XRCC6: variants seen among roughly 807,000 people sequenced by gnomAD.
XRCC6 encodes X-ray repair cross complementing 6, also known as DNA repair protein Ku70.
A neutral mutation model predicts 65.7 loss-of-function variants in XRCC6; 5 were observed. That is an observed-to-expected ratio of 0.08 (90% CI 0.04 to 0.16). The LOEUF is 0.16. Among genes scored for constraint, XRCC6 ranks in the 10% least tolerant of loss-of-function variants. XRCC6 has a pLI of 1.00. For missense variants in XRCC6, 447 were observed against 738.1 expected (o/e 0.61, Z 4.57); for synonymous variants, 270 against 270.6 (o/e 1.00, Z 0.02).
chr22:41,632,904 G>A (rs989221176), intron 3 of XRCC6, among the ~76,000 whole-genome samples: 22 of 151,730 alleles, frequency 1.4e-4, no homozygotes, highest in Admixed American at 3.9e-4. Context: ...CGAGGTGGGC[G>A]GATCACGAGG....
At chr22:41,622,935 ACT>A (rs1362388200) in intron 2 of XRCC6, among the ~76,000 whole-genome samples, 8 of 150,246 alleles carry the variant, frequency 5.3e-5, no homozygotes, top group East Asian at 3.9e-4. Flanking sequence ...ACAGAATGAG[ACT>A]CTCTCAGGAA....
intron 4 of XRCC6, 62 bp from the exon 5 acceptor site, chr22:41,636,454 T>A (rs1601536669): frequency 6.3e-7 from 1 of 1,586,492 alleles, no homozygotes. Context: ...AGTCTTGTGG[T>A]AAAGGCAGCC....
intron 9 of XRCC6, among the ~76,000 whole-genome samples, chr22:41,653,894 G>A (rs937777284): frequency 2.0e-5 from 3 of 152,138 alleles, no homozygotes; most frequent in African/African-American, 4.8e-5. Flanking sequence ...ATGCGCAGCC[G>A]TACAAGGCTG....
At position 41,663,907 on chromosome 22, in the gene XRCC6, G is replaced by A. The variant is rs2147123042; in HGVS notation, c.*92G>A. The A allele has an allele frequency of 7.2e-7, 1 of 1,385,062 alleles. No homozygotes were observed. The highest frequency in any genetic ancestry group is 2.4e-5 in the East Asian group (1 of 41,298). The allele number at this position is 1,385,062 out of a possible 1,614,324, so 85.8% of individuals were successfully genotyped here. On this transcript the variant is annotated 3_prime_UTR_variant, in exon 13 of 13. Coordinates refer to ENST00000360079, the MANE Select transcript of XRCC6 (RefSeq NM_001469.5). ...GTTAAAATGTGTTTCTCCTGAGCTA[G>A]GAAGAGTCTACCCGACATAAGTCGA...
chr22:41,627,559 C>T (rs572324158), intron 2 of XRCC6, among the ~76,000 whole-genome samples: 11 of 138,466 alleles, frequency 7.9e-5, no homozygotes, highest in East Asian at 6.5e-4. Flanking sequence ...CGTAGTAAGC[C>T]GAGATTGTGC....
intron 3 of XRCC6, among the ~76,000 whole-genome samples, chr22:41,632,412 A>C (rs2067765392): frequency 6.6e-6 from 1 of 151,234 alleles, no homozygotes; most frequent in Non-Finnish European, 1.5e-5. Flanking sequence ...GGAGTTCGAG[A>C]CCAGCCTGGC....
In XRCC6 at chr22:41,628,965, C is replaced by CAAA. The variant is rs11413169; in HGVS notation, c.195+757_195+759dup. Among the ~76,000 whole-genome samples the CAAA allele has an allele frequency of 6.0e-3, 376 of 62,312 alleles. 3 individuals are homozygous for CAAA. Among genetic ancestry groups the CAAA allele is most frequent in the Admixed American group, 7.3e-3 (25 of 3,448 alleles). 40.9% of individuals were successfully genotyped at this position (62,312 alleles called of 152,430 possible). The stretch of plus-strand genomic sequence containing the variant: ...TGGGCAACAGAGTGAGACTCTGTCT[C>CAAA]AAAAAAAAAAAAAAAAAAAAAAAAC... On this transcript the variant is annotated intron_variant, in intron 3 of 12. Transcript: ENST00000360079.
intron 8 of XRCC6, among the ~76,000 whole-genome samples, chr22:41,653,233 G>T (rs770248562): frequency 1.3e-5 from 2 of 151,910 alleles, no homozygotes; most frequent in African/African-American, 2.4e-5. Context: ...GAGATACTTT[G>T]TCTCTACAAA....
intron 11 of XRCC6, 130 bp from the exon 12 acceptor site, chr22:41,661,201 C>T (rs767183959): frequency 3.8e-5 from 27 of 716,150 alleles, no homozygotes; most frequent in Non-Finnish European, 5.7e-5. Flanking sequence ...GCTGGAAAGA[C>T]ATTTCCCTAG....
At position 41,661,410 on chromosome 22, in the gene XRCC6, C is replaced by T. The variant is rs768906010; in HGVS notation, c.1602C>T (p.Tyr534=). The T allele has an allele frequency of 1.3e-5, 21 of 1,614,000 alleles. No homozygotes were observed. The South Asian group carries it at 2.1e-4, about 16-fold the overall frequency. Reference sequence around the variant, plus strand: ...AGGAGCTTGTTTACCCACCAGATTACAATCCTGAAGGGAAAGTTACCAAGA... The same window carrying T: ...AGGAGCTTGTTTACCCACCAGATTATAATCCTGAAGGGAAAGTTACCAAGA... The part of the protein sequence containing the change: ...EFKELVYPPD[Y]NPEGKVTKRK... The change falls in exon 12 of 13, where the codon TAC becomes TAT. Residue 534 remains tyrosine (Y), a synonymous_variant. Transcript: ENST00000360079.
chr22:41,662,942 G>A (rs1355146620), intron 12 of XRCC6, among the ~76,000 whole-genome samples: 2 of 152,044 alleles, frequency 1.3e-5, no homozygotes, highest in Non-Finnish European at 2.9e-5. Flanking sequence ...TTAGCCAGAT[G>A]TGGTAGTGGG....
At position 41,651,361 on chromosome 22, in the gene XRCC6, ATTTTTTTTTTTTTTTTTTTTTTTTTTT is replaced by A. The variant is rs764795746; in HGVS notation, c.1129+490_1129+516del. On this transcript the variant is annotated intron_variant, in intron 8 of 12. Coordinates refer to ENST00000360079, the MANE Select transcript of XRCC6 (RefSeq NM_001469.5). ...TGTGGGAATGAAGAAAGTTAAACAG[ATTTTTTTTTTTTTTTTTTTTTTTTTTT>A]TTTTTTTTTTTTTTTTTTTGGAGAT... Among the ~76,000 whole-genome samples, 52 of 49,758 alleles carry A rather than the reference ATTTTTTTTTTTTTTTTTTTTTTTTTTT, an allele frequency of 1.0e-3. 1 individual carries two copies. Among genetic ancestry groups the A allele is most frequent in the South Asian group, 2.1e-3 (3 of 1,422 alleles). 32.6% of individuals were successfully genotyped at this position (49,758 alleles called of 152,430 possible).
At position 41,661,340 on chromosome 22, in the gene XRCC6, T is replaced by A; in HGVS notation, c.1532T>A (p.Val511Asp). Residue 511 changes from valine to aspartate, a missense_variant, in exon 12 of 13, where the codon GTT becomes GAT. This residue lies in a region of XRCC6 where 201 missense variants were observed against 374.1 expected (regional missense o/e 0.54). Transcript: ENST00000360079. The stretch of plus-strand genomic sequence containing the variant: ...TGTTTTGATTTTCTAGTGCCCAAGG[T>A]TGAAGCAATGAATAAAAGACTGGGC... ...EQAVDLTLPK[V>D]EAMNKRLGSL... 1 of 1,613,486 alleles carries A rather than the reference T, an allele frequency of 6.2e-7. No individual in the cohort carries two copies. Among genetic ancestry groups the A allele is most frequent in the Non-Finnish European group, 8.5e-7 (1 of 1,179,882 alleles).
intron 7 of XRCC6, among the ~76,000 whole-genome samples, chr22:41,649,139 A>ATATATAT (rs1555906701): frequency 2.0e-4 from 18 of 88,724 alleles, no homozygotes; most frequent in Non-Finnish European, 2.1e-4. Context: ...AAAAAAAAAA[A>ATATATAT]ATATATATAT....
intron 6 of XRCC6, among the ~76,000 whole-genome samples, chr22:41,643,752 C>T (rs377440673): frequency 6.6e-6 from 1 of 150,954 alleles, no homozygotes; most frequent in African/African-American, 2.4e-5. Context: ...ACTCGGGAGG[C>T]GGAGGTTGCA....
chr22:41,657,314 T>A (rs1163022159), intron 10 of XRCC6, among the ~76,000 whole-genome samples: 1 of 152,150 alleles, frequency 6.6e-6, no homozygotes, highest in Non-Finnish European at 1.5e-5. Context: ...TCTCCTTGAT[T>A]GTGTTTGTTA....
intron 3 of XRCC6, among the ~76,000 whole-genome samples, chr22:41,633,731 A>C (rs936444401): frequency 6.6e-6 from 1 of 152,096 alleles, no homozygotes; most frequent in African/African-American, 2.4e-5. Flanking sequence ...CTTCCCCTCA[A>C]AAAAGATAGT....
intron 10 of XRCC6, among the ~76,000 whole-genome samples, chr22:41,657,985 G>A (rs1413560207): frequency 6.6e-6 from 1 of 151,958 alleles, no homozygotes; most frequent in East Asian, 1.9e-4. Flanking sequence ...CAACATGCCT[G>A]GCTGATTTTT....
intron 2 of XRCC6, among the ~76,000 whole-genome samples, chr22:41,624,412 C>T (rs574663083): frequency 8.5e-4 from 126 of 148,606 alleles, no homozygotes; most frequent in African/African-American, 3.0e-3. Flanking sequence ...AGGGGCCGGG[C>T]GCGGTGGCTC....
Sources: gnomAD v4.1 joint callset for allele counts (sites outside exome capture counted in the v4.1 genomes callset) on GRCh38, gnomAD v4.1.1 for gene constraint, gnomAD v4.1.1 regional missense constraint, MANE v1.5 for transcripts, NCBI Gene and HGNC (gene_info 2026-07-23, HGNC 2026-07-21) for gene names.